The following CEP95 variants were observed in gnomAD, a reference collection of about 807,000 sequenced individuals.
The protein encoded by CEP95 is centrosomal protein 95.
Under a neutral mutation model 111.2 loss-of-function variants are expected in CEP95, and 98 were observed. The ratio of observed to expected loss-of-function variants is 0.88; its 90% CI spans 0.75 to 1.04. The LOEUF (loss-of-function observed/expected upper bound fraction) is 1.04, where lower values mean the gene tolerates loss of function less well. Ranked by LOEUF, CEP95 falls within the 50% of genes least tolerant of loss-of-function variation. The probability of loss-of-function intolerance (pLI) is 0.00; values close to 1 mark genes in which losing one functional copy is unlikely to be tolerated. For missense variants in CEP95, 1,027 were observed against 977.2 expected (o/e 1.05, Z -0.68); for synonymous variants, 323 against 327.1 (o/e 0.99, Z 0.14).
rs954243156 is a variant in CEP95 at position 64,529,576 on chromosome 17, C to T, written c.1446+149C>T. The T allele has an allele frequency of 1.5e-5, 12 of 782,630 alleles. No homozygotes were observed. The African/African-American group carries it at 1.9e-4, about 13-fold the overall frequency. 48.5% of individuals were successfully genotyped at this position (782,630 alleles called of 1,614,324 possible). On this transcript the variant is annotated intron_variant, in intron 12 of 19. Transcript: ENST00000556440. ...GATGATAGAGAGCTATGTGACATAG[C>T]TTATGTCTTTGTTAGCATAAAATTA...
At position 64,508,664 on chromosome 17, in the gene CEP95, G is replaced by A; in HGVS notation, c.92G>A (p.Cys31Tyr). 6.8e-7 allele frequency: 1 copy of A among 1,463,700 alleles called. No homozygotes were observed. Among genetic ancestry groups the A allele is most frequent in the Non-Finnish European group, 9.1e-7 (1 of 1,098,930 alleles). The allele number at this position is 1,463,700 out of a possible 1,614,324, so 90.7% of individuals were successfully genotyped here. ...IHLRIHELQDCDANVFIALYQ... is the reference protein window; with the variant it reads ...IHLRIHELQDYDANVFIALYQ... ...CTGAGAATACATGAACTTCAAGACT[G>A]TGATGCTAATGTTTTTATTGCTCTT... The change falls in exon 2 of 20, where the codon TGT (cysteine) becomes TAT (tyrosine). Residue 31 changes from cysteine (C) to tyrosine (Y), a missense_variant. Cys to Tyr is a radical substitution (Grantham distance 194). Coordinates refer to ENST00000556440, the MANE Select transcript of CEP95 (RefSeq NM_138363.3).
intron 2 of CEP95, 113 bp downstream of exon 2, chr17:64,508,833 CTTTT>C (rs1193014882): frequency 2.7e-5 from 9 of 337,140 alleles, no homozygotes; most frequent in African/African-American, 1.3e-4. Flanking sequence ...TTGCTTGTTT[CTTTT>C]TTTAATATTG....
intron 6 of CEP95, among the ~76,000 whole-genome samples, chr17:64,521,006 G>A (rs1315034218): frequency 6.6e-6 from 1 of 152,178 alleles, no homozygotes; most frequent in African/African-American, 2.4e-5. Context: ...TACTTTGGGA[G>A]GCTGAGGTGG....
At chr17:64,534,009 A>C (rs113323208) in intron 16 of CEP95, 8 of 152,342 alleles carry the variant, frequency 5.3e-5, no homozygotes, top group Non-Finnish European at 1.0e-4. Context: ...AGAGATTTAA[A>C]AATCTTTGCC....
chr17:64,532,380 A>C, intron 14 of CEP95: 1 of 985,448 alleles, frequency 1.0e-6, no homozygotes, highest in Non-Finnish European at 1.2e-6. Context: ...TCCACCTCCT[A>C]TATATTGACA....
chr17:64,536,603 T>TAAA lies in CEP95; in HGVS notation c.2073_2074insAAA (p.Ile691_Phe692insLys). Reference sequence around the variant, plus strand: ...TTTTTACGATTAAATAACTGACAGATATTTAAGAAACTGTTTGAAGAAGGT... The same window carrying TAAA: ...TTTTTACGATTAAATAACTGACAGATAAAATTTAAGAAACTGTTTGAAGAAGGT... On this transcript the variant is annotated inframe_insertion and splice_region_variant, in exon 18 of 20. Transcript: ENST00000556440. 1 of 1,590,318 alleles carries TAAA rather than the reference T, an allele frequency of 6.3e-7. No homozygotes were observed. Among genetic ancestry groups the TAAA allele is most frequent in the Non-Finnish European group, 8.5e-7 (1 of 1,171,154 alleles).
At position 64,531,947 on chromosome 17, in the gene CEP95, TG is replaced by T; in HGVS notation, c.1599del (p.Trp533Ter). 6.2e-7 allele frequency: 1 copy of T among 1,610,838 alleles called. No homozygotes were observed. Among genetic ancestry groups the T allele is most frequent in the Non-Finnish European group, 8.5e-7 (1 of 1,178,940 alleles). ...AGGAACTCCAGAATGTAGTCAGCCC[TG>T]GAAGATTTACTCTAGAAAAACCACA... is the stretch of plus-strand genomic sequence containing the variant. Reference protein sequence around the residue: ...RKGTPECSQPWKIYSRKTTTQ... With the variant: ...RKGTPECSQPXKIYSRKTTTQ... On this transcript the variant is annotated frameshift_variant, in exon 14 of 20. Transcript: ENST00000556440. LOFTEE classifies it high-confidence loss of function.
At chr17:64,513,765 GT>G (rs200191244) in intron 3 of CEP95, among the ~76,000 whole-genome samples, 1 of 150,864 alleles carries the variant, frequency 6.6e-6, no homozygotes, top group African/African-American at 2.4e-5. Flanking sequence ...CAAGTTTATT[GT>G]TTTTTTTTGT....
intron 16 of CEP95, 35 bp downstream of exon 16, chr17:64,533,226 A>C (rs782712329): frequency 7.9e-6 from 12 of 1,512,408 alleles, no homozygotes; most frequent in Non-Finnish European, 1.1e-5. Flanking sequence ...TATAATTCTG[A>C]ATTTGTTATA....
At chr17:64,509,746 T>G (rs2038786866) in intron 2 of CEP95, among the ~76,000 whole-genome samples, 1 of 151,932 alleles carries the variant, frequency 6.6e-6, no homozygotes, top group Non-Finnish European at 1.5e-5. Flanking sequence ...ATGCCTGCTG[T>G]GTTTTTTTTT....
chr17:64,526,173 C>A lies in CEP95; in HGVS notation c.1125C>A (p.Leu375=). ...EQELHDVSEK[L]SQRLSELDWM... ...AATTACATGATGTATCAGAAAAACT[C>A]TCTCAGCGGCTTTCTGAACTAGATT... Residue 375 remains leucine, a synonymous_variant, in exon 10 of 20, where the codon CTC becomes CTA. Transcript: ENST00000556440. 6.2e-7 allele frequency: 1 copy of A among 1,613,054 alleles called. No individual in the cohort carries two copies. The highest frequency in any genetic ancestry group is 8.5e-7 in the Non-Finnish European group (1 of 1,179,620).
chr17:64,511,583 A>G lies in CEP95; in HGVS notation c.256+1303A>G, dbSNP rs572716798. 4.1e-4 allele frequency among the ~76,000 whole-genome samples: 63 copies of G among 152,310 alleles called. No homozygotes were observed. The South Asian group carries it at 0.013, about 31-fold the overall frequency. Reference sequence around the variant, plus strand: ...TCCTGTTCTTTTTTTCAAGGTGCCCAGATTTCATATTGTTCAAACACACAT... The same window carrying G: ...TCCTGTTCTTTTTTTCAAGGTGCCCGGATTTCATATTGTTCAAACACACAT... On this transcript the variant is annotated intron_variant, in intron 3 of 19. Coordinates refer to ENST00000556440, the MANE Select transcript of CEP95 (RefSeq NM_138363.3).
At chr17:64,515,955 C>G (rs78195495) in intron 4 of CEP95, 1 of 152,174 alleles carries the variant, frequency 6.6e-6, no homozygotes, top group Non-Finnish European at 1.5e-5. Context: ...GATGGCAGCT[C>G]TCTAAGCCTG....
chr17:64,512,636 A>ATG (rs2038955668), intron 3 of CEP95, among the ~76,000 whole-genome samples: 1 of 152,232 alleles, frequency 6.6e-6, no homozygotes, highest in Admixed American at 6.5e-5. Context: ...AAGGAGATAA[A>ATG]TGTTAATCAG....
At position 64,532,987 on chromosome 17, in the gene CEP95, AAAG is replaced by A; in HGVS notation, c.1827_1829del (p.Lys610del). 6.2e-7 allele frequency: 1 copy of A among 1,611,990 alleles called. No homozygotes were observed. The highest frequency in any genetic ancestry group is 8.5e-7 in the Non-Finnish European group (1 of 1,179,428). The stretch of plus-strand genomic sequence containing the variant: ...AAGAAGCATGTAGAGAAAATCGATC[AAAG>A]AAGAAACTCCAAGATGAAGTAAGTT... On this transcript the variant is annotated inframe_deletion, in exon 15 of 20. Coordinates refer to ENST00000556440, the MANE Select transcript of CEP95 (RefSeq NM_138363.3).
intron 3 of CEP95, among the ~76,000 whole-genome samples, chr17:64,510,838 A>G (rs767781367): frequency 6.6e-6 from 1 of 152,196 alleles, no homozygotes; most frequent in African/African-American, 2.4e-5. Flanking sequence ...GGCCTGGACC[A>G]CTGTGCCTGG....
rs782226493 is a variant in CEP95, at chr17:64,522,925, TAGA to T, written c.909+33_909+35del. ...GTGGAAAAGCTTACTTTCAGTTGGC[TAGA>T]AGTACACTTGTATGTATGTCTGTGT... On this transcript the variant is annotated intron_variant, in intron 8 of 19. Coordinates refer to ENST00000556440, the MANE Select transcript of CEP95 (RefSeq NM_138363.3). 4.5e-5 allele frequency: 69 copies of T among 1,537,952 alleles called. 1 individual carries two copies. In the East Asian group the frequency reaches 1.6e-3, roughly 35 times the overall value.
In CEP95 at chr17:64,514,688, TTATG is replaced by T. The variant is rs1417977540; in HGVS notation, c.367+331_367+334del. 8.3e-6 allele frequency: 3 copies of T among 362,992 alleles called. No individual in the cohort carries two copies. In the Admixed American group the frequency reaches 1.4e-4, roughly 16 times the overall value. The allele number at this position is 362,992 out of a possible 1,614,324, so 22.5% of individuals were successfully genotyped here. On this transcript the variant is annotated intron_variant, in intron 4 of 19. Coordinates refer to ENST00000556440, the MANE Select transcript of CEP95 (RefSeq NM_138363.3). ...AAATTTCGTGTGTCAGAACTGCTAT[TTATG>T]GTAAATATTTGGATGTTACTGAGGC...
chr17:64,508,539 T>C, intron 1 of CEP95, 53 bp from the exon 2 acceptor site: 1 of 1,297,962 alleles, frequency 7.7e-7, no homozygotes, highest in Non-Finnish European at 9.9e-7. Context: ...AATGTCTGTG[T>C]GATTTTTTTC....
Sources: gnomAD v4.1 joint callset for allele counts (sites outside exome capture counted in the v4.1 genomes callset) on GRCh38, gnomAD v4.1.1 for gene constraint, MANE v1.5 for transcripts, NCBI Gene and HGNC (gene_info 2026-07-23, HGNC 2026-07-21) for gene names.